EMB: variants seen among roughly 807,000 people sequenced by gnomAD.
EMB encodes embigin homolog.
In EMB, 31 loss-of-function variants were observed where a neutral mutation model predicts 41.4. The ratio of observed to expected loss-of-function variants is 0.75; its 90% CI spans 0.56 to 1.01. The LOEUF (loss-of-function observed/expected upper bound fraction) is 1.01. EMB is among the 50% of genes least tolerant of loss of function. The probability of loss-of-function intolerance (pLI) is 0.00; values close to 1 mark genes in which losing one functional copy is unlikely to be tolerated. For missense variants in EMB, 379 were observed against 388.3 expected, an observed-to-expected ratio of 0.98 and a Z score of 0.20; for synonymous variants, 137 against 140.4, an observed-to-expected ratio of 0.98 and a Z score of 0.17.
At chr5:50,408,199 T>C (rs1404065356) in intron 4 of EMB, among the ~76,000 whole-genome samples, 2 of 151,920 alleles carry the variant, frequency 1.3e-5, no homozygotes, top group Non-Finnish European at 2.9e-5. Context: ...TTCCAAAAAG[T>C]TCTTGTTCTT....
intron 2 of EMB, 196 bp from the exon 3 acceptor site, chr5:50,411,579 G>C (rs541350457): frequency 2.3e-6 from 1 of 433,966 alleles, no homozygotes; most frequent in South Asian, 4.3e-5. Flanking sequence ...GAAAAGTTTT[G>C]ATTCAACATT....
chr5:50,432,411 A>G (rs1174606822), intron 1 of EMB, among the ~76,000 whole-genome samples: 1 of 152,152 alleles, frequency 6.6e-6, no homozygotes, highest in Admixed American at 6.5e-5. Context: ...TTACAGAAAC[A>G]CTGATAGGAA....
intron 2 of EMB, among the ~76,000 whole-genome samples, chr5:50,427,157 A>G (rs1320295641): frequency 6.6e-6 from 1 of 152,076 alleles, no homozygotes; most frequent in African/African-American, 2.4e-5. Flanking sequence ...TAAAACCTCT[A>G]AACTTCTCTT....
chr5:50,434,851 CAA>C (rs1413619806), intron 1 of EMB, among the ~76,000 whole-genome samples: 2 of 152,148 alleles, frequency 1.3e-5, no homozygotes, highest in Non-Finnish European at 2.9e-5. Context: ...TTATTTTTAG[CAA>C]AGTGTTGTGA....
At position 50,438,736 on chromosome 5, in the gene EMB, A is replaced by C. The variant is rs2663075; in HGVS notation, c.112+2304T>G. Among the ~76,000 whole-genome samples, 338 of 152,198 alleles carry C rather than the reference A, an allele frequency of 2.2e-3. 1 individual carries two copies. Among genetic ancestry groups the C allele is most frequent in the African/African-American group, 7.1e-3 (293 of 41,508 alleles). ...CCTGACAATTTTTAATTCTGGCTTA[A>C]ATTCGATGCTAACTTCATAACTTTT... On this transcript the variant is annotated intron_variant, in intron 1 of 8. Transcript: ENST00000303221.
rs187688703 is a variant in EMB, at chr5:50,426,794, A to G, written c.196+1350T>C. Among the ~76,000 whole-genome samples the G allele has an allele frequency of 1.6e-4, 25 of 152,074 alleles. No homozygotes were observed. In the East Asian group the frequency reaches 3.5e-3, roughly 21 times the overall value. Reference sequence around the variant, plus strand: ...ATAGTAGGTTAAAAATCTTAACAGCAGTAAGAAGAAAGTCTATGGTTCATA... The same window carrying G: ...ATAGTAGGTTAAAAATCTTAACAGCGGTAAGAAGAAAGTCTATGGTTCATA... On this transcript the variant is annotated intron_variant, in intron 2 of 8. Transcript: ENST00000303221.
At chr5:50,428,790 A>G in intron 1 of EMB, 16 of 965,850 alleles carry the variant, frequency 1.7e-5, no homozygotes, top group Non-Finnish European at 1.8e-5. Context: ...TGCCTCTGTC[A>G]CTTCTCTCTC....
intron 1 of EMB, among the ~76,000 whole-genome samples, chr5:50,437,166 G>A (rs1384923022): frequency 6.6e-6 from 1 of 152,152 alleles, no homozygotes; most frequent in East Asian, 1.9e-4. Flanking sequence ...AGCCATGTGG[G>A]AGGCTGAAGT....
At chr5:50,401,000 C>T (rs1166644098) in intron 7 of EMB, among the ~76,000 whole-genome samples, 2 of 151,858 alleles carry the variant, frequency 1.3e-5, no homozygotes, top group African/African-American at 4.8e-5. Context: ...TCAAATATGT[C>T]AATGACTGTC....
At chr5:50,425,512 A>T (rs13189140) in intron 2 of EMB, among the ~76,000 whole-genome samples, 10,910 of 152,136 alleles carry the variant, frequency 0.072, 559 homozygotes, top group Middle Eastern at 0.15. Flanking sequence ...AAACAAAAAA[A>T]ATATATTGTG....
chr5:50,399,792 A>T (rs1745130544), intron 8 of EMB, 67 bp downstream of exon 8: 4 of 1,282,368 alleles, frequency 3.1e-6, no homozygotes, highest in Admixed American at 2.1e-5. Context: ...AAAGTAACTG[A>T]TTGATAGATA....
intron 2 of EMB, among the ~76,000 whole-genome samples, chr5:50,420,888 G>A (rs992539832): frequency 1.1e-4 from 16 of 152,104 alleles, no homozygotes; most frequent in Admixed American, 4.6e-4. Flanking sequence ...AGTACTTTAC[G>A]GGATATGCAA....
chr5:50,441,127 C>T lies in EMB; in HGVS notation c.25G>A (p.Glu9Lys). ...AGCCGGGGCGTACGCGCCCTGGCCT[C>T]CAGCAGGCCGGGGAGGGCGCGCATG... MRALPGLL[E>K]ARARTPRLLL... Residue 9 changes from glutamate (E) to lysine (K), a missense_variant, in exon 1 of 9, where the codon GAG (glutamate) becomes AAG (lysine). Glu to Lys is a moderately conservative substitution (Grantham distance 56). Coordinates refer to ENST00000303221, the MANE Select transcript of EMB (RefSeq NM_198449.3). 6.6e-7 allele frequency: 1 copy of T among 1,508,778 alleles called. No homozygotes were observed. Among genetic ancestry groups the T allele is most frequent in the Non-Finnish European group, 8.8e-7 (1 of 1,132,666 alleles). The allele number at this position is 1,508,778 out of a possible 1,614,324, so 93.5% of individuals were successfully genotyped here. A position where few individuals can be genotyped will look rare whatever the true frequency, so the allele number is the denominator to read the frequency against.
intron 2 of EMB, among the ~76,000 whole-genome samples, chr5:50,424,639 T>C (rs1745581125): frequency 6.6e-6 from 1 of 152,208 alleles, no homozygotes; most frequent in Non-Finnish European, 1.5e-5. Context: ...CTCTCATTTT[T>C]AATGTATAGA....
chr5:50,428,251 T>A, intron 1 of EMB, 24 bp from the exon 2 acceptor site: 11 of 1,521,454 alleles, frequency 7.2e-6, no homozygotes, highest in Non-Finnish European at 1.0e-5. Context: ...AACACATGAT[T>A]ACACACTCTT....
intron 4 of EMB, among the ~76,000 whole-genome samples, chr5:50,408,207 C>T (rs1388709021): frequency 6.6e-6 from 1 of 151,728 alleles, no homozygotes; most frequent in African/African-American, 2.4e-5. Flanking sequence ...AGTTCTTGTT[C>T]TTTACCAATT....
intron 1 of EMB, chr5:50,428,860 G>A (rs751124034): frequency 2.0e-4 from 63 of 307,464 alleles, no homozygotes; most frequent in Non-Finnish European, 2.7e-4. Flanking sequence ...CACTCTCTTC[G>A]AAGTTACTTT....
chr5:50,405,698 T>C (rs1745236664), intron 5 of EMB, 27 bp downstream of exon 5: 2 of 1,545,026 alleles, frequency 1.3e-6, no homozygotes, highest in South Asian at 2.5e-5. Context: ...TTGTTGTTGT[T>C]TTCTTCAAAT....
At chr5:50,420,046 A>C (rs904374349) in intron 2 of EMB, among the ~76,000 whole-genome samples, 1 of 152,110 alleles carries the variant, frequency 6.6e-6, no homozygotes, top group African/African-American at 2.4e-5. Flanking sequence ...GCAGGGGTGC[A>C]GAGCATTAGG....
Sources: allele counts gnomAD v4.1 joint callset (sites outside exome capture counted in the v4.1 genomes callset), GRCh38; gene constraint gnomAD v4.1.1; transcripts MANE v1.5; gene names NCBI Gene and HGNC (gene_info 2026-07-23, HGNC 2026-07-21).